Variants in FSTL5 observed in about 807,000 individuals in gnomAD.
FSTL5 encodes the protein follistatin-related protein 5.
Under a neutral mutation model 89.1 loss-of-function variants are expected in FSTL5, and 62 were observed. That is an observed-to-expected ratio of 0.70 (90% CI 0.57 to 0.86). The LOEUF is 0.86. FSTL5 is among the 40% of genes least tolerant of loss of function. The probability of loss-of-function intolerance (pLI) is 0.00; values close to 1 mark genes in which losing one functional copy is unlikely to be tolerated. For synonymous variants in FSTL5, 383 were observed against 346.2 expected, an observed-to-expected ratio of 1.11 and a Z score of -1.18; for missense variants, 1,057 against 1,001.6, an observed-to-expected ratio of 1.06 and a Z score of -0.75.
chr4:161,606,791 T>A (rs1734461543), intron 7 of FSTL5, among the ~76,000 whole-genome samples: 1 of 152,174 alleles, frequency 6.6e-6, no homozygotes, highest in African/African-American at 2.4e-5. Flanking sequence ...TTTTTCTTCA[T>A]ACCAGCAATG....
intron 3 of FSTL5, among the ~76,000 whole-genome samples, chr4:161,968,367 T>A (rs549435933): frequency 1.3e-5 from 2 of 152,188 alleles, no homozygotes; most frequent in African/African-American, 4.8e-5. Flanking sequence ...AAAAAAGTCA[T>A]CCTTATCTTT....
At chr4:161,965,496 A>C (rs1216348934) in intron 3 of FSTL5, among the ~76,000 whole-genome samples, 1 of 152,134 alleles carries the variant, frequency 6.6e-6, no homozygotes, top group Non-Finnish European at 1.5e-5. Context: ...ATTTAGTGTT[A>C]GTAAACTATG....
At chr4:161,560,845 G>A (rs920205652) in intron 8 of FSTL5, among the ~76,000 whole-genome samples, 3 of 151,820 alleles carry the variant, frequency 2.0e-5, no homozygotes, top group Admixed American at 6.6e-5. Flanking sequence ...CTGTTTTACC[G>A]TTAACATTTT....
chr4:161,814,721 A>G (rs754528552), intron 4 of FSTL5, among the ~76,000 whole-genome samples: 5 of 152,110 alleles, frequency 3.3e-5, no homozygotes, highest in Non-Finnish European at 5.9e-5. Context: ...GTCTTCTTAT[A>G]CTTAGCATAA....
intron 15 of FSTL5, among the ~76,000 whole-genome samples, chr4:161,444,093 A>G (rs1198479987): frequency 6.6e-6 from 1 of 151,932 alleles, no homozygotes; most frequent in African/African-American, 2.4e-5. Context: ...TAACATAGAA[A>G]GAGGAATCTA....
intron 6 of FSTL5, among the ~76,000 whole-genome samples, chr4:161,689,736 T>C (rs1267673010): frequency 6.6e-6 from 1 of 152,132 alleles, no homozygotes; most frequent in Non-Finnish European, 1.5e-5. Flanking sequence ...ACCACCACCT[T>C]ACTCTGGTTT....
At chr4:161,581,488 A>G (rs1214740380) in intron 8 of FSTL5, among the ~76,000 whole-genome samples, 1 of 152,216 alleles carries the variant, frequency 6.6e-6, no homozygotes, top group Non-Finnish European at 1.5e-5. Flanking sequence ...CACCCAGTGC[A>G]GAGATTCCAG....
At chr4:162,038,014 G>A (rs981145010) in intron 2 of FSTL5, among the ~76,000 whole-genome samples, 3 of 151,918 alleles carry the variant, frequency 2.0e-5, no homozygotes, top group East Asian at 1.9e-4. Context: ...GAGAACTCAC[G>A]AGTGACCAGA....
At chr4:161,917,554 T>C (rs1182272091) in intron 4 of FSTL5, among the ~76,000 whole-genome samples, 6 of 152,286 alleles carry the variant, frequency 3.9e-5, no homozygotes, top group South Asian at 4.1e-4. Context: ...CCCTGGGTCT[T>C]ACTAAGATTT....
chr4:161,813,088 G>A (rs374595977), intron 4 of FSTL5, among the ~76,000 whole-genome samples: 24 of 150,798 alleles, frequency 1.6e-4, no homozygotes, highest in African/African-American at 5.9e-4. Flanking sequence ...GTGCAGTGAC[G>A]CAATCTCGGC....
intron 2 of FSTL5, among the ~76,000 whole-genome samples, chr4:162,037,885 A>G (rs1737801315): frequency 6.6e-6 from 1 of 151,974 alleles, no homozygotes; most frequent in African/African-American, 2.4e-5. Context: ...ATGTTACATT[A>G]TTCACAATGG....
intron 4 of FSTL5, among the ~76,000 whole-genome samples, chr4:161,911,537 T>C (rs1311636572): frequency 2.6e-5 from 4 of 152,132 alleles, no homozygotes; most frequent in Non-Finnish European, 5.9e-5. Context: ...TACAAACTAC[T>C]AGAAATTCAC....
chr4:161,721,421 T>G (rs1437886081), intron 6 of FSTL5, among the ~76,000 whole-genome samples: 1 of 152,032 alleles, frequency 6.6e-6, no homozygotes, highest in Non-Finnish European at 1.5e-5. Context: ...TTTTTGGAGT[T>G]GATTAATATA....
chr4:162,106,399 A>G (rs1731227309), intron 2 of FSTL5, among the ~76,000 whole-genome samples: 1 of 151,760 alleles, frequency 6.6e-6, no homozygotes, highest in South Asian at 2.1e-4. Flanking sequence ...ATCATCAGCA[A>G]ACAATGTAGC....
intron 8 of FSTL5, among the ~76,000 whole-genome samples, chr4:161,574,344 C>CT (rs200138310): frequency 0.084 from 11,526 of 137,200 alleles, 687 homozygotes; most frequent in East Asian, 0.33. Context: ...TTTTTTTTTT[C>CT]TTTTTTTTTT....
At chr4:162,010,819 A>T (rs1289060048) in intron 3 of FSTL5, among the ~76,000 whole-genome samples, 1 of 152,170 alleles carries the variant, frequency 6.6e-6, no homozygotes, top group African/African-American at 2.4e-5. Flanking sequence ...TTAATACACC[A>T]TATATGCTTA....
chr4:161,751,042 T>C (rs1035579543), intron 6 of FSTL5, among the ~76,000 whole-genome samples: 2 of 129,552 alleles, frequency 1.5e-5, no homozygotes, highest in African/African-American at 7.5e-5. Flanking sequence ...GGATTATAAA[T>C]CATTATGTTA....
intron 4 of FSTL5, among the ~76,000 whole-genome samples, chr4:161,821,565 C>G (rs1475172611): frequency 6.6e-6 from 1 of 152,068 alleles, no homozygotes; most frequent in Non-Finnish European, 1.5e-5. Flanking sequence ...TATCCCTCAC[C>G]CTCCTCCCAC....
At chr4:161,814,072 AAAGT>A (rs1730251243) in intron 4 of FSTL5, among the ~76,000 whole-genome samples, 2 of 152,148 alleles carry the variant, frequency 1.3e-5, no homozygotes, top group Admixed American at 6.5e-5. Context: ...TTAAAAAATG[AAAGT>A]AAGTGTGAGA....
Sources: allele counts gnomAD v4.1 joint callset (sites outside exome capture counted in the v4.1 genomes callset), GRCh38; gene constraint gnomAD v4.1.1; transcripts MANE v1.5; gene names NCBI Gene and HGNC (gene_info 2026-07-23, HGNC 2026-07-21).